RAD51B: variants seen among roughly 807,000 people sequenced by gnomAD.
RAD51B encodes the protein RAD51 paralog B.
Under a neutral mutation model 42.2 loss-of-function variants are expected in RAD51B, and 38 were observed. The ratio of observed to expected loss-of-function variants is 0.90; its 90% confidence interval spans 0.70 to 1.18. The LOEUF is 1.18. Among genes scored for constraint, RAD51B ranks in the 50% most tolerant of loss-of-function variants. RAD51B has a pLI of 0.00. For missense variants in RAD51B, 373 were observed against 400.7 expected (o/e 0.93, Z 0.59); for synonymous variants, 154 against 145.2 (o/e 1.06, Z -0.43).
chr14:67,981,666 G>A (rs1476315111), intron 7 of RAD51B, among the ~76,000 whole-genome samples: 1 of 152,140 alleles, frequency 6.6e-6, no homozygotes, highest in East Asian at 1.9e-4. Flanking sequence ...AACATGGATG[G>A]CACTTAAAAT....
At chr14:68,294,026 C>G (rs2081566416) in intron 8 of RAD51B, among the ~76,000 whole-genome samples, 1 of 152,194 alleles carries the variant, frequency 6.6e-6, no homozygotes, top group Admixed American at 6.5e-5. Context: ...CACACATACA[C>G]ACATATACAC....
At chr14:68,133,533 G>A (rs1248214749) in intron 7 of RAD51B, among the ~76,000 whole-genome samples, 3 of 152,078 alleles carry the variant, frequency 2.0e-5, no homozygotes, top group Admixed American at 6.5e-5. Flanking sequence ...GTGCAGTGGC[G>A]TGATCTTGGC....
chr14:68,399,361 A>G (rs1029858595), intron 8 of RAD51B, among the ~76,000 whole-genome samples: 4 of 146,472 alleles, frequency 2.7e-5, no homozygotes, highest in Admixed American at 7.0e-5. Flanking sequence ...GGTTCACGCC[A>G]TTCTCCTGCC....
At chr14:68,358,514 T>C (rs1594721409) in intron 8 of RAD51B, among the ~76,000 whole-genome samples, 7 of 152,262 alleles carry the variant, frequency 4.6e-5, no homozygotes, top group African/African-American at 1.7e-4. Context: ...CCCCACACTA[T>C]TGCCTACACT....
chr14:67,851,913 G>T (rs2041821079), intron 4 of RAD51B, among the ~76,000 whole-genome samples: 1 of 152,136 alleles, frequency 6.6e-6, no homozygotes, highest in Non-Finnish European at 1.5e-5. Flanking sequence ...GCCCTGTAAG[G>T]AGCAGCAGGG....
chr14:67,960,479 T>C (rs779522001), intron 7 of RAD51B, among the ~76,000 whole-genome samples: 7 of 152,168 alleles, frequency 4.6e-5, no homozygotes, highest in Non-Finnish European at 8.8e-5. Context: ...GAAAAATAGA[T>C]TTTTGTTCTA....
intron 10 of RAD51B, among the ~76,000 whole-genome samples, chr14:68,644,041 C>T (rs1199488460): frequency 2.0e-5 from 3 of 152,204 alleles, no homozygotes; most frequent in Non-Finnish European, 2.9e-5. Context: ...CACTTACTGC[C>T]TCCATTGTTT....
chr14:68,378,355 T>G (rs1566843638), intron 8 of RAD51B, among the ~76,000 whole-genome samples: 1 of 152,226 alleles, frequency 6.6e-6, no homozygotes, highest in Non-Finnish European at 1.5e-5. Context: ...CTCAGATCAT[T>G]TAATTTATTA....
At chr14:68,650,954 A>G (rs1892687893) in intron 11 of RAD51B, 1 of 626,512 alleles carries the variant, frequency 1.6e-6, no homozygotes. Flanking sequence ...AAGAACCTCA[A>G]AAGCATAGCA....
chr14:67,979,056 G>GA lies in RAD51B; in HGVS notation c.756+91856dup, dbSNP rs1595196619. On this transcript the variant is annotated intron_variant, in intron 7 of 10. Coordinates refer to ENST00000471583, the MANE Select transcript of RAD51B (RefSeq NM_133510.4). The stretch of plus-strand genomic sequence containing the variant: ...GTCTACTAATTTTACTGAAGGAGAA[G>GA]AAAAGAAAGTATGGCTAGCCATTTT... 2.6e-5 allele frequency among the ~76,000 whole-genome samples: 4 copies of GA among 152,258 alleles called. No individual in the cohort carries two copies. In the East Asian group the frequency reaches 7.7e-4, roughly 29 times the overall value.
chr14:68,151,848 TTTTTTTTTTTTTG>T (rs1402063165), intron 7 of RAD51B, among the ~76,000 whole-genome samples: 12 of 103,138 alleles, frequency 1.2e-4, no homozygotes, highest in African/African-American at 4.6e-4. Flanking sequence ...TTTTTTTTTT[TTTTTTTTTTTTTG>T]AGATGGAGTT....
chr14:67,853,949 C>G (rs574928494), intron 4 of RAD51B, among the ~76,000 whole-genome samples: 2 of 152,148 alleles, frequency 1.3e-5, no homozygotes, highest in Non-Finnish European at 2.9e-5. Context: ...ACCAACTCTG[C>G]GGACCTGCTG....
intron 10 of RAD51B, among the ~76,000 whole-genome samples, chr14:68,538,210 T>A (rs1416007857): frequency 6.6e-6 from 1 of 152,174 alleles, no homozygotes; most frequent in Non-Finnish European, 1.5e-5. Context: ...CCTAAGGGCA[T>A]TCTGCACCTT....
chr14:68,518,481 A>C (rs1886319855), intron 10 of RAD51B, among the ~76,000 whole-genome samples: 5 of 151,988 alleles, frequency 3.3e-5, no homozygotes, highest in Admixed American at 3.3e-4. Context: ...AATCACCAGA[A>C]CCTTCAAACA....
At chr14:68,358,780 T>C (rs576554485) in intron 8 of RAD51B, among the ~76,000 whole-genome samples, 1 of 152,330 alleles carries the variant, frequency 6.6e-6, no homozygotes, top group East Asian at 1.9e-4. Flanking sequence ...TCGTGTGATA[T>C]AAAAGCCTAT....
chr14:68,310,322 C>T (rs929020936), intron 8 of RAD51B, among the ~76,000 whole-genome samples: 1 of 152,142 alleles, frequency 6.6e-6, no homozygotes, highest in African/African-American at 2.4e-5. Context: ...GCTGTTTTCC[C>T]CTTAGGCATC....
At chr14:68,318,271 T>C (rs1432688952) in intron 8 of RAD51B, among the ~76,000 whole-genome samples, 1 of 152,224 alleles carries the variant, frequency 6.6e-6, no homozygotes, top group Non-Finnish European at 1.5e-5. Flanking sequence ...GCCCAAGAGC[T>C]TAATGTAATA....
chr14:68,292,381 A>G (rs1444577181), intron 8 of RAD51B, among the ~76,000 whole-genome samples: 1 of 152,188 alleles, frequency 6.6e-6, no homozygotes, highest in East Asian at 1.9e-4. Context: ...CATGTGCCAG[A>G]GATATGACAT....
chr14:68,638,717 C>T (rs892739292), intron 10 of RAD51B, among the ~76,000 whole-genome samples: 5 of 152,068 alleles, frequency 3.3e-5, no homozygotes, highest in African/African-American at 4.8e-5. Flanking sequence ...AGCAAACCTG[C>T]GCAGCACTGC....
Sources: allele counts gnomAD v4.1 joint callset (sites outside exome capture counted in the v4.1 genomes callset), GRCh38; gene constraint gnomAD v4.1.1; transcripts MANE v1.5; gene names NCBI Gene and HGNC (gene_info 2026-07-23, HGNC 2026-07-21).